The following AGBL4 variants were observed in gnomAD, a reference collection of about 807,000 sequenced individuals.
AGBL4 encodes cytosolic carboxypeptidase 6.
A neutral mutation model predicts 66.4 loss-of-function variants in AGBL4; 58 were observed. The observed-to-expected ratio is 0.87, with a 90% CI of 0.71 to 1.09. The LOEUF is 1.09. Ranked by LOEUF, AGBL4 falls within the 50% of genes least tolerant of loss-of-function variation. The pLI is 0.00. For missense variants in AGBL4, 579 were observed against 631.0 expected (o/e 0.92, Z 0.88); for synonymous variants, 234 against 222.9 (o/e 1.05, Z -0.44).
At chr1:49,170,460 T>C (rs1401713248) in intron 4 of AGBL4, among the ~76,000 whole-genome samples, 1 of 143,180 alleles carries the variant, frequency 7.0e-6, no homozygotes, top group East Asian at 2.0e-4. Context: ...ATATAATATA[T>C]AAATTTATTT....
At chr1:49,880,146 C>T (rs1247994608) in intron 1 of AGBL4, among the ~76,000 whole-genome samples, 1 of 151,896 alleles carries the variant, frequency 6.6e-6, no homozygotes, top group African/African-American at 2.4e-5. Context: ...CGTCTGAAGC[C>T]TTCCTCTCTC....
At chr1:48,865,043 A>T (rs2148822263) in intron 6 of AGBL4, among the ~76,000 whole-genome samples, 1 of 152,152 alleles carries the variant, frequency 6.6e-6, no homozygotes, top group African/African-American at 2.4e-5. Context: ...GAAGGCTCCC[A>T]GTCTATGACT....
At chr1:49,983,647 G>A (rs1016550622) in intron 1 of AGBL4, among the ~76,000 whole-genome samples, 3 of 152,234 alleles carry the variant, frequency 2.0e-5, no homozygotes, top group African/African-American at 4.8e-5. Flanking sequence ...CAAGCATCCC[G>A]TAACATTAGT....
chr1:49,362,449 C>CAAAAA (rs145467066), intron 3 of AGBL4, among the ~76,000 whole-genome samples: 3 of 80,914 alleles, frequency 3.7e-5, no homozygotes, highest in African/African-American at 9.7e-5. Context: ...GACCCTGTCT[C>CAAAAA]AAAAAAAAAA....
At chr1:49,262,872 A>G (rs528268580) in intron 3 of AGBL4, among the ~76,000 whole-genome samples, 2 of 152,326 alleles carry the variant, frequency 1.3e-5, no homozygotes, top group African/African-American at 4.8e-5. Flanking sequence ...TTATTGCGGC[A>G]CTATTCACAG....
At chr1:48,946,752 C>T (rs1432715427) in intron 5 of AGBL4, among the ~76,000 whole-genome samples, 5 of 152,110 alleles carry the variant, frequency 3.3e-5, no homozygotes, top group Non-Finnish European at 4.4e-5. Flanking sequence ...TACAAACTGA[C>T]GGTTACATGG....
intron 2 of AGBL4, among the ~76,000 whole-genome samples, chr1:49,739,880 C>T (rs1266596429): frequency 6.6e-6 from 1 of 152,062 alleles, no homozygotes; most frequent in Non-Finnish European, 1.5e-5. Flanking sequence ...CCAGGCCTGC[C>T]CTACAAGAGC....
At chr1:49,887,715 T>C (rs935500621) in intron 1 of AGBL4, among the ~76,000 whole-genome samples, 4 of 152,064 alleles carry the variant, frequency 2.6e-5, no homozygotes, top group Non-Finnish European at 4.4e-5. Context: ...ATAGTCTAGA[T>C]GAAAGATTAT....
chr1:48,567,370 CCTTT>C (rs1417080064), intron 11 of AGBL4, among the ~76,000 whole-genome samples: 3 of 152,174 alleles, frequency 2.0e-5, no homozygotes, highest in African/African-American at 7.2e-5. Context: ...CTGACTTTGC[CCTTT>C]CTTTCAGCAT....
At chr1:49,096,634 A>G (rs1373923941) in intron 4 of AGBL4, among the ~76,000 whole-genome samples, 1 of 143,186 alleles carries the variant, frequency 7.0e-6, no homozygotes, top group African/African-American at 2.6e-5. Flanking sequence ...GTGGGAACTG[A>G]ACAATGAGAA....
rs550210265 is a variant in AGBL4 at position 49,776,962 on chromosome 1, T to C, written c.157+74434A>G. Reference sequence around the variant, plus strand: ...ATAATAAATAACTGAAGAGGGAAAATAGCATTCTAGCACATGGAACAGTGC... The same window carrying C: ...ATAATAAATAACTGAAGAGGGAAAACAGCATTCTAGCACATGGAACAGTGC... On this transcript the variant is annotated intron_variant, in intron 2 of 13. Coordinates refer to ENST00000371839, the MANE Select transcript of AGBL4 (RefSeq NM_032785.4). 7.2e-5 allele frequency among the ~76,000 whole-genome samples: 11 copies of C among 152,122 alleles called. No homozygotes were observed. The East Asian group carries it at 1.9e-3, about 27-fold the overall frequency.
Position 49,582,301 on chromosome 1 carries a change from GC to G in AGBL4, c.282+115011del, listed in dbSNP as rs556764940. ...TAAAATGTTTGGGGGAGGGGTAACA[GC>G]CCCTGTGCTGAGGTCCTTCCACAAG... On this transcript the variant is annotated intron_variant, in intron 3 of 13. Coordinates refer to ENST00000371839, the MANE Select transcript of AGBL4 (RefSeq NM_032785.4). Among the ~76,000 whole-genome samples, 437 of 152,282 alleles carry G rather than the reference GC, an allele frequency of 2.9e-3. 1 individual carries two copies. Among genetic ancestry groups the G allele is most frequent in the Admixed American group, 4.8e-3 (73 of 15,298 alleles).
chr1:49,006,530 T>A (rs1449363702), intron 5 of AGBL4, among the ~76,000 whole-genome samples: 1 of 152,146 alleles, frequency 6.6e-6, no homozygotes, highest in Non-Finnish European at 1.5e-5. Flanking sequence ...CCACCACAGC[T>A]CAAGGAGGCT....
chr1:48,902,286 T>C (rs142305359), intron 5 of AGBL4, among the ~76,000 whole-genome samples: 3 of 152,258 alleles, frequency 2.0e-5, no homozygotes, highest in Admixed American at 1.3e-4. Context: ...TTAATTTTTT[T>C]AAAATAAAAA....
intron 1 of AGBL4, among the ~76,000 whole-genome samples, chr1:49,880,943 T>A (rs1647234470): frequency 6.6e-6 from 1 of 152,062 alleles, no homozygotes; most frequent in African/African-American, 2.4e-5. Context: ...CCGTCACCCC[T>A]TTCTTTGACT....
At chr1:49,013,031 G>A (rs1662563413) in intron 5 of AGBL4, among the ~76,000 whole-genome samples, 1 of 152,172 alleles carries the variant, frequency 6.6e-6, no homozygotes, top group African/African-American at 2.4e-5. Flanking sequence ...GTATGGTGCA[G>A]CAAGCAGGCC....
intron 2 of AGBL4, among the ~76,000 whole-genome samples, chr1:49,807,759 A>G (rs1215981530): frequency 6.6e-6 from 1 of 152,204 alleles, no homozygotes; most frequent in Non-Finnish European, 1.5e-5. Flanking sequence ...TCAAATGTTG[A>G]GACCTAATCA....
intron 6 of AGBL4, among the ~76,000 whole-genome samples, chr1:48,794,817 C>T (rs903772083): frequency 1.3e-5 from 2 of 152,154 alleles, no homozygotes; most frequent in Non-Finnish European, 2.9e-5. Flanking sequence ...CTAGTGCAGA[C>T]TTCTATTCTG....
intron 9 of AGBL4, among the ~76,000 whole-genome samples, chr1:48,617,409 A>C (rs1645337293): frequency 6.6e-6 from 1 of 152,156 alleles, no homozygotes; most frequent in South Asian, 2.1e-4. Context: ...TTTCCTGCCC[A>C]CAAACCTCTA....
Sources: allele counts gnomAD v4.1 joint callset (sites outside exome capture counted in the v4.1 genomes callset), GRCh38; gene constraint gnomAD v4.1.1; transcripts MANE v1.5; gene names NCBI Gene and HGNC (gene_info 2026-07-23, HGNC 2026-07-21).